The following KIDINS220 variants were observed in gnomAD, a reference collection of about 807,000 sequenced individuals.
KIDINS220 encodes the protein kinase D-interacting substrate of 220 kDa.
Under a neutral mutation model 157.6 loss-of-function variants are expected in KIDINS220, and 63 were observed. The observed-to-expected ratio is 0.40, with a 90% CI of 0.33 to 0.49. The LOEUF is 0.49. Among genes scored for constraint, KIDINS220 ranks in the 20% least tolerant of loss-of-function variants. The pLI, the probability that KIDINS220 is intolerant of heterozygous loss-of-function variation, is 0.66. For missense variants in KIDINS220, 1,772 were observed against 2,171.2 expected, an observed-to-expected ratio of 0.82 and a Z score of 3.65; for synonymous variants, 732 against 783.6, an observed-to-expected ratio of 0.93 and a Z score of 1.10.
chr2:8,788,271 CT>C (rs35484190), intron 15 of KIDINS220, among the ~76,000 whole-genome samples: 39,491 of 146,062 alleles, frequency 0.27, 5,151 homozygotes, highest in Middle Eastern at 0.35. Flanking sequence ...ATTCTATAAA[CT>C]TTTTTTTTTT....
At chr2:8,807,066 T>C (rs539770296) in intron 6 of KIDINS220, among the ~76,000 whole-genome samples, 36 of 152,312 alleles carry the variant, frequency 2.4e-4, no homozygotes, top group African/African-American at 7.7e-4. Flanking sequence ...CCACTTTACA[T>C]GGGTCTACGT....
At chr2:8,781,374 G>A (rs1419352014) in intron 17 of KIDINS220, among the ~76,000 whole-genome samples, 1 of 151,604 alleles carries the variant, frequency 6.6e-6, no homozygotes, top group Non-Finnish European at 1.5e-5. Context: ...AAACCAGTAA[G>A]GACGCAGTTC....
chr2:8,825,483 T>C (rs759473091), intron 2 of KIDINS220, among the ~76,000 whole-genome samples: 5 of 151,944 alleles, frequency 3.3e-5, no homozygotes, highest in Non-Finnish European at 7.4e-5. Context: ...CAATAAATTT[T>C]ATGTTATGTG....
At chr2:8,772,591 A>G (rs930688212) in intron 21 of KIDINS220, among the ~76,000 whole-genome samples, 2 of 152,340 alleles carry the variant, frequency 1.3e-5, no homozygotes. Context: ...TATCTAGCCT[A>G]TAATTAGCTA....
In KIDINS220 at chr2:8,744,417, T is replaced by A. The variant is rs866631110; in HGVS notation, c.3585+2728A>T. On this transcript the variant is annotated intron_variant, in intron 26 of 29. Coordinates refer to ENST00000256707, the MANE Select transcript of KIDINS220 (RefSeq NM_020738.4). ...TATATATATAATATATATATATATA[T>A]ATATATATATATATATATATATATA... Among the ~76,000 whole-genome samples the A allele has an allele frequency of 4.5e-4, 41 of 91,106 alleles. 1 individual carries two copies. The highest frequency in any genetic ancestry group is 2.6e-3 in the East Asian group (6 of 2,272). 59.8% of individuals were successfully genotyped at this position (91,106 alleles called of 152,430 possible).
rs2148087471 is a variant in KIDINS220, at chr2:8,757,722, A to G, written c.3012-6078T>C. On this transcript the variant is annotated intron_variant, in intron 22 of 29. Transcript: ENST00000256707. ...TGGCTTTTCTCAGCTCTCCATCAAC[A>G]TGGCAACTAACACTGACTTGGAAAT... The G allele has an allele frequency of 1.2e-6, 2 of 1,612,470 alleles. No individual in the cohort carries two copies. Among genetic ancestry groups the G allele is most frequent in the Non-Finnish European group, 1.7e-6 (2 of 1,179,834 alleles).
At chr2:8,750,504 C>T (rs369408646) in intron 23 of KIDINS220, among the ~76,000 whole-genome samples, 169 bp from the exon 24 acceptor site, 2 of 152,206 alleles carry the variant, frequency 1.3e-5, no homozygotes, top group South Asian at 2.1e-4. Flanking sequence ...AACTCACAGG[C>T]CTTTTAGTGA....
At chr2:8,747,115 G>C in intron 26 of KIDINS220, 30 bp downstream of exon 26, 1 of 1,604,380 alleles carries the variant, frequency 6.2e-7, no homozygotes, top group South Asian at 1.1e-5. Context: ...TGAGATGCCA[G>C]CGATCCACAC....
chr2:8,749,368 C>T (rs1231562866), intron 24 of KIDINS220: 1 of 453,506 alleles, frequency 2.2e-6, no homozygotes, highest in Non-Finnish European at 4.4e-6. Context: ...AATTGCAATG[C>T]ACCTTAAGAG....
At position 8,736,814 on chromosome 2, in the gene KIDINS220, C is replaced by A. The variant is rs1437473695; in HGVS notation, c.3717+54G>T. 1.9e-6 allele frequency: 3 copies of A among 1,602,264 alleles called. No homozygotes were observed. In the East Asian group the frequency reaches 6.7e-5, roughly 36 times the overall value. On this transcript the variant is annotated intron_variant, in intron 27 of 29. Transcript: ENST00000256707. Reference sequence around the variant, plus strand: ...ATAAAGTTTACACGACCCACACAGTCCTGTCTTCCGCCCCCAGCGCTGTCT... The same window carrying A: ...ATAAAGTTTACACGACCCACACAGTACTGTCTTCCGCCCCCAGCGCTGTCT...
In KIDINS220 at chr2:8,747,149, G is replaced by A. The variant is rs549702212; in HGVS notation, c.3581C>T (p.Ser1194Leu). Residue 1194 changes from serine to leucine, a missense_variant, in exon 26 of 30, where the codon TCG (serine) becomes TTG (leucine). Physicochemically the swap from Ser to Leu is moderately radical, Grantham distance 145. Around this residue, in one of 3 missense-constraint regions of KIDINS220, gnomAD observed 793 missense variants for 885.5 expected, o/e 0.90. Transcript: ENST00000256707. ...AEGLSSPTDS[S>L]RGSGPAPGPV... Reference sequence around the variant, plus strand: ...ACCACAGGACTACTCCATTACCCTCGAGGAGTCTGTGGGTGAAGAAAGCCC... The same window carrying A: ...ACCACAGGACTACTCCATTACCCTCAAGGAGTCTGTGGGTGAAGAAAGCCC... 2.5e-5 allele frequency: 40 copies of A among 1,613,724 alleles called. No individual in the cohort carries two copies. Among genetic ancestry groups the A allele is most frequent in the East Asian group, 1.6e-4 (7 of 44,890 alleles).
chr2:8,770,069 A>AT (rs1399041676), intron 22 of KIDINS220, among the ~76,000 whole-genome samples: 2 of 152,200 alleles, frequency 1.3e-5, no homozygotes, highest in Non-Finnish European at 2.9e-5. Flanking sequence ...ACAATACTCT[A>AT]AGGAAATAAA....
At chr2:8,758,833 AG>A (rs1668378882) in intron 22 of KIDINS220, among the ~76,000 whole-genome samples, 1 of 152,178 alleles carries the variant, frequency 6.6e-6, no homozygotes, top group African/African-American at 2.4e-5. Flanking sequence ...ACATTAGCTT[AG>A]GGGGTCAGAA....
In KIDINS220 at chr2:8,802,592, T is replaced by C. The variant is rs1413455618; in HGVS notation, c.801+338A>G. Among the ~76,000 whole-genome samples, 5 of 152,252 alleles carry C rather than the reference T, an allele frequency of 3.3e-5. No homozygotes were observed. The South Asian group carries it at 6.2e-4, about 19-fold the overall frequency. ...TTTATTGTAAGTTTAAGAGGCCAAT[T>C]AGACATTCAAGTGGAGCGTTCAGGT... On this transcript the variant is annotated intron_variant, in intron 8 of 29. Transcript: ENST00000256707.
chr2:8,788,271 CTT>C (rs35484190), intron 15 of KIDINS220, among the ~76,000 whole-genome samples: 21 of 146,272 alleles, frequency 1.4e-4, no homozygotes, highest in Admixed American at 1.4e-4. Context: ...ATTCTATAAA[CTT>C]TTTTTTTTTT....
intron 12 of KIDINS220, among the ~76,000 whole-genome samples, chr2:8,792,032 G>T (rs1673256953): frequency 1.3e-5 from 2 of 152,166 alleles, no homozygotes; most frequent in Non-Finnish European, 2.9e-5. Context: ...GAATTAGTAA[G>T]TGGTGTTGGG....
At chr2:8,764,069 G>A (rs190739276) in intron 22 of KIDINS220, among the ~76,000 whole-genome samples, 12 of 152,282 alleles carry the variant, frequency 7.9e-5, no homozygotes, top group Non-Finnish European at 1.8e-4. Flanking sequence ...GCCATTAAAA[G>A]GAACAAAATA....
downstream of KIDINS220, chr2:8,727,068 T>C (rs772079309): frequency 1.0e-6 from 1 of 981,210 alleles, no homozygotes; most frequent in African/African-American, 1.7e-5. Flanking sequence ...CTGTTGTCTA[T>C]ACGTTTCTAT....
chr2:8,800,366 T>C, intron 9 of KIDINS220, 34 bp downstream of exon 9: 1 of 1,376,818 alleles, frequency 7.3e-7, no homozygotes, highest in Non-Finnish European at 1.0e-6. Context: ...GCAATTATAC[T>C]CTAAGATAGC....
Sources: allele counts gnomAD v4.1 joint callset (sites outside exome capture counted in the v4.1 genomes callset), GRCh38; gene constraint gnomAD v4.1.1; regional missense constraint gnomAD v4.1.1; transcripts MANE v1.5; gene names NCBI Gene and HGNC (gene_info 2026-07-23, HGNC 2026-07-21).